The following NPEPPS variants were observed in gnomAD, a reference collection of about 807,000 sequenced individuals.
NPEPPS encodes the protein puromycin-sensitive aminopeptidase.
Under a neutral mutation model 115.5 loss-of-function variants are expected in NPEPPS, and 14 were observed. That is an observed-to-expected ratio of 0.12 (90% CI 0.08 to 0.19). The LOEUF is 0.19. NPEPPS is among the 10% of genes least tolerant of loss of function. The pLI, the probability that NPEPPS is intolerant of heterozygous loss-of-function variation, is 1.00. For missense variants in NPEPPS, 523 were observed against 1,110.8 expected (o/e 0.47, Z 7.52); for synonymous variants, 285 against 390.6 (o/e 0.73, Z 3.19).
At chr17:47,573,659 G>A (rs56058825) in intron 3 of NPEPPS, among the ~76,000 whole-genome samples, 43 of 152,348 alleles carry the variant, frequency 2.8e-4, no homozygotes, top group Non-Finnish European at 5.1e-4. Flanking sequence ...ATTGAAGGCT[G>A]CAGTGAGCCA....
chr17:47,616,779 C>A, intron 19 of NPEPPS, among the ~76,000 whole-genome samples: 1 of 137,996 alleles, frequency 7.2e-6, no homozygotes. Context: ...AGCGAGACTC[C>A]ATCTCAAAAA....
At chr17:47,610,393 TTG>T (rs1567870526) in intron 17 of NPEPPS, among the ~76,000 whole-genome samples, 1 of 151,620 alleles carries the variant, frequency 6.6e-6, no homozygotes, top group African/African-American at 2.4e-5. Flanking sequence ...CCTTTTTTTT[TTG>T]GGGGGGGGTA....
At chr17:47,540,735 A>G (rs2143692104) in intron 1 of NPEPPS, among the ~76,000 whole-genome samples, 1 of 152,356 alleles carries the variant, frequency 6.6e-6, no homozygotes, top group East Asian at 1.9e-4. Flanking sequence ...GTGTATGTGT[A>G]TGTCTTAACA....
intron 1 of NPEPPS, among the ~76,000 whole-genome samples, chr17:47,541,378 A>ATT (rs944854662): frequency 2.8e-5 from 4 of 143,538 alleles, no homozygotes; most frequent in South Asian, 2.2e-4. Flanking sequence ...TGTGTTTCTG[A>ATT]TTTTTTTTTT....
chr17:47,543,631 C>G (rs1908953368), intron 1 of NPEPPS, among the ~76,000 whole-genome samples: 1 of 151,436 alleles, frequency 6.6e-6, no homozygotes, highest in African/African-American at 2.4e-5. Context: ...CTGGCCAGGA[C>G]TATCATTTAA....
At chr17:47,558,962 A>G (rs551240585) in intron 2 of NPEPPS, among the ~76,000 whole-genome samples, 93 of 150,684 alleles carry the variant, frequency 6.2e-4, no homozygotes, top group African/African-American at 2.2e-3. Context: ...TGAACCCGGG[A>G]GGCGGACGGA....
chr17:47,582,938 T>A, intron 5 of NPEPPS, 89 bp downstream of exon 5: 1 of 587,560 alleles, frequency 1.7e-6, no homozygotes, highest in Non-Finnish European at 3.0e-6. Flanking sequence ...TGAAACCACC[T>A]ACCACAGTGC....
intron 2 of NPEPPS, among the ~76,000 whole-genome samples, chr17:47,561,879 G>T (rs1221105266): frequency 2.6e-5 from 4 of 152,194 alleles, no homozygotes; most frequent in Non-Finnish European, 5.9e-5. Context: ...ACCTTGCTAG[G>T]TTTCACCACT....
intron 3 of NPEPPS, among the ~76,000 whole-genome samples, chr17:47,571,882 C>T (rs1330995157): frequency 6.6e-6 from 1 of 151,832 alleles, no homozygotes; most frequent in East Asian, 1.9e-4. Flanking sequence ...ATAATTTAAC[C>T]CACAAATAGG....
intron 11 of NPEPPS, 148 bp downstream of exon 11, chr17:47,592,208 A>G (rs1001704138): frequency 5.1e-5 from 35 of 679,720 alleles, no homozygotes; most frequent in Non-Finnish European, 7.8e-5. Context: ...TGAGAATTCA[A>G]TTATTTGAAG....
chr17:47,547,408 A>G (rs868282945), intron 2 of NPEPPS, among the ~76,000 whole-genome samples: 57 of 151,234 alleles, frequency 3.8e-4, no homozygotes, highest in African/African-American at 1.1e-3. Context: ...GGGCAGTGGC[A>G]TGATCTCAAC....
intron 13 of NPEPPS, among the ~76,000 whole-genome samples, chr17:47,599,363 T>A (rs988903575): frequency 6.6e-6 from 1 of 152,232 alleles, no homozygotes; most frequent in African/African-American, 2.4e-5. Context: ...ACATTTGATT[T>A]AGGTGATCTT....
chr17:47,555,888 G>T (rs1909977483), intron 2 of NPEPPS, among the ~76,000 whole-genome samples: 1 of 151,878 alleles, frequency 6.6e-6, no homozygotes, highest in East Asian at 1.9e-4. Flanking sequence ...GCCACAGTTA[G>T]GGAAGCTCTG....
At chr17:47,582,512 ATTG>A (rs1164620157) in intron 4 of NPEPPS, 8 of 472,662 alleles carry the variant, frequency 1.7e-5, no homozygotes, top group African/African-American at 1.6e-4. Flanking sequence ...ATTATAATAT[ATTG>A]TTAAAATCCA....
In NPEPPS at chr17:47,619,133, A is replaced by C. The variant is rs777683276; in HGVS notation, c.2528A>C (p.Gln843Pro). 3.7e-6 allele frequency: 6 copies of C among 1,613,866 alleles called. No individual in the cohort carries two copies. Reference sequence around the variant, plus strand: ...TGGGAAGAACTTTATAACCGATACCAGGGAGGATTCTTAATATCCAGACTA... The same window carrying C: ...TGGGAAGAACTTTATAACCGATACCCGGGAGGATTCTTAATATCCAGACTA... ...DNWEELYNRY[Q>P]GGFLISRLIK... The change falls in exon 21 of 23, where the codon CAG becomes CCG. Residue 843 changes from glutamine to proline, a missense_variant. Physicochemically the swap from Gln to Pro is moderately conservative, Grantham distance 76 (BLOSUM62 -1). Around this residue, in one of 4 missense-constraint regions of NPEPPS, gnomAD observed 372 missense variants for 542.6 expected, o/e 0.69. Coordinates refer to ENST00000322157, the MANE Select transcript of NPEPPS (RefSeq NM_006310.4).
Position 47,571,991 on chromosome 17 carries a change from A to G in NPEPPS, c.418+2497A>G, listed in dbSNP as rs367570724. Among the ~76,000 whole-genome samples the G allele has an allele frequency of 3.9e-5, 6 of 152,112 alleles. No individual in the cohort carries two copies. The South Asian group carries it at 1.0e-3, about 26-fold the overall frequency. ...CATATGCAGCCATATCACCAACTCT[A>G]CTGGCTCCACTTGGCTCCCAACTGT... On this transcript the variant is annotated intron_variant, in intron 3 of 22. Transcript: ENST00000322157.
At chr17:47,603,801 T>C in intron 15 of NPEPPS, 114 bp from the exon 16 acceptor site, 1 of 920,742 alleles carries the variant, frequency 1.1e-6, no homozygotes, top group Non-Finnish European at 1.6e-6. Flanking sequence ...ATAGATGGTC[T>C]TAATTGTTTT....
At position 47,618,464 on chromosome 17, in the gene NPEPPS, T is replaced by C. The variant is rs1914347147; in HGVS notation, c.2403+7T>C. ...CCTCACGTTTGCACTTTCAGTAAGT[T>C]ACGGTGAAAACTGCATTTAGAAGTG... On this transcript the variant is annotated splice_region_variant and intron_variant, in intron 20 of 22. Transcript: ENST00000322157. 1 of 1,582,108 alleles carries C rather than the reference T, an allele frequency of 6.3e-7. No individual in the cohort carries two copies. Among genetic ancestry groups the C allele is most frequent in the Non-Finnish European group, 8.7e-7 (1 of 1,150,892 alleles).
chr17:47,533,099 C>T (rs1014761975), intron 1 of NPEPPS, among the ~76,000 whole-genome samples: 2 of 151,920 alleles, frequency 1.3e-5, no homozygotes, highest in African/African-American at 2.4e-5. Flanking sequence ...CAAGAGGGTA[C>T]GGTACTCAGA....
Sources: gnomAD v4.1 joint callset for allele counts (sites outside exome capture counted in the v4.1 genomes callset) on GRCh38, gnomAD v4.1.1 for gene constraint, gnomAD v4.1.1 regional missense constraint, MANE v1.5 for transcripts, NCBI Gene and HGNC (gene_info 2026-07-23, HGNC 2026-07-21) for gene names.